The following MEI4 variants were observed in gnomAD, a reference collection of about 807,000 sequenced individuals.
MEI4 encodes meiosis-specific protein MEI4.
Under a neutral mutation model 31.4 loss-of-function variants are expected in MEI4, and 27 were observed. The ratio of observed to expected loss-of-function variants is 0.86; its 90% CI spans 0.63 to 1.19. MEI4 has a LOEUF of 1.19. MEI4 is among the 50% of genes most tolerant of loss of function. The probability of loss-of-function intolerance (pLI) is 0.00; values close to 1 mark genes in which losing one functional copy is unlikely to be tolerated. For synonymous variants in MEI4, 122 were observed against 145.4 expected (o/e 0.84, Z 1.16); for missense variants, 329 against 398.9 (o/e 0.82, Z 1.49).
At position 77,909,674 on chromosome 6, in the gene MEI4, T is replaced by C. The variant is rs1045122135; in HGVS notation, c.901-13415T>C. On this transcript the variant is annotated intron_variant, in intron 4 of 4. Coordinates refer to ENST00000684080, the MANE Select transcript of MEI4 (RefSeq NM_001322247.2). ...TTCTTTCTGAAACTATTCCAATCAA[T>C]AGAAAAAGAGGGAATCCTCCCTAAC... Among the ~76,000 whole-genome samples the C allele has an allele frequency of 9.2e-5, 14 of 152,126 alleles. No individual in the cohort carries two copies. In the East Asian group the frequency reaches 1.7e-3, roughly 19 times the overall value.
intron 2 of MEI4, among the ~76,000 whole-genome samples, chr6:77,742,289 C>A (rs1767431264): frequency 6.6e-6 from 1 of 151,514 alleles, no homozygotes; most frequent in African/African-American, 2.4e-5. Flanking sequence ...CCTGTTGTTT[C>A]CTGACTTTTT....
intron 4 of MEI4, among the ~76,000 whole-genome samples, chr6:77,885,936 T>C (rs1361636144): frequency 6.6e-6 from 1 of 152,184 alleles, no homozygotes; most frequent in Non-Finnish European, 1.5e-5. Flanking sequence ...TTTTTCCTCA[T>C]TCTGTTGATA....
chr6:77,849,553 A>G (rs147155313), intron 4 of MEI4, among the ~76,000 whole-genome samples: 338 of 152,306 alleles, frequency 2.2e-3, no homozygotes, highest in African/African-American at 7.4e-3. Flanking sequence ...ATGGCATTTT[A>G]TATAAGCGTT....
chr6:77,836,527 TA>T (rs1465469304), intron 4 of MEI4, among the ~76,000 whole-genome samples: 1 of 152,072 alleles, frequency 6.6e-6, no homozygotes, highest in African/African-American at 2.4e-5. Context: ...TAAAGTAAAA[TA>T]AAAGCTAAGC....
At chr6:77,665,194 C>G in intron 1 of MEI4, among the ~76,000 whole-genome samples, 1 of 149,838 alleles carries the variant, frequency 6.7e-6, no homozygotes, top group Non-Finnish European at 1.5e-5. Context: ...GGGGTCGAGG[C>G]ATGGAAATAA....
At position 77,822,795 on chromosome 6, in the gene MEI4, T is replaced by C. The variant is rs78508059; in HGVS notation, c.769-6136T>C. ...CCACCACTCCTGGCTATTTTTTTTT[T>C]GTATTTTTAGTAGAAATGGGGTTTC... is the stretch of plus-strand genomic sequence containing the variant. On this transcript the variant is annotated intron_variant, in intron 3 of 4. Coordinates refer to ENST00000684080, the MANE Select transcript of MEI4 (RefSeq NM_001322247.2). Among the ~76,000 whole-genome samples, 10 of 151,966 alleles carry C rather than the reference T, an allele frequency of 6.6e-5. No homozygotes were observed. The East Asian group carries it at 1.9e-3, about 29-fold the overall frequency.
In MEI4 at chr6:77,923,460, T is replaced by A; in HGVS notation, c.*114T>A. On this transcript the variant is annotated 3_prime_UTR_variant, in exon 5 of 5. Transcript: ENST00000684080. ...TAATTAGCATTTTAGAATTGATCTC[T>A]AAATATAATTATCAATTCAACTTAA... 1 of 800,042 alleles carries A rather than the reference T, an allele frequency of 1.2e-6. No homozygotes were observed. Among genetic ancestry groups the A allele is most frequent in the African/African-American group, 1.8e-5 (1 of 55,388 alleles). 49.6% of individuals were successfully genotyped at this position (800,042 alleles called of 1,614,324 possible).
chr6:77,736,123 G>T (rs1430855087), intron 2 of MEI4, among the ~76,000 whole-genome samples: 2 of 152,126 alleles, frequency 1.3e-5, no homozygotes, highest in Non-Finnish European at 2.9e-5. Flanking sequence ...GGAGCCTACA[G>T]AGGCAGGCAG....
intron 4 of MEI4, among the ~76,000 whole-genome samples, chr6:77,864,573 G>T (rs527910341): frequency 6.2e-4 from 94 of 152,210 alleles, no homozygotes; most frequent in Non-Finnish European, 1.1e-3. Flanking sequence ...GCACCCAGAT[G>T]CATAAAGCAA....
intron 3 of MEI4, among the ~76,000 whole-genome samples, chr6:77,827,961 T>C (rs1769994985): frequency 1.3e-5 from 2 of 152,110 alleles, no homozygotes; most frequent in South Asian, 4.1e-4. Flanking sequence ...AATAGGATTA[T>C]ATTAACTCTA....
intron 2 of MEI4, among the ~76,000 whole-genome samples, chr6:77,729,514 G>A (rs1000209781): frequency 6.6e-6 from 1 of 152,180 alleles, no homozygotes; most frequent in Non-Finnish European, 1.5e-5. Flanking sequence ...TAATGTGCAG[G>A]CAAGATTGAA....
At chr6:77,896,842 T>G (rs1766093221) in intron 4 of MEI4, among the ~76,000 whole-genome samples, 1 of 152,020 alleles carries the variant, frequency 6.6e-6, no homozygotes, top group Admixed American at 6.6e-5. Context: ...CCTTCAATAA[T>G]TCACCACAGT....
chr6:77,860,048 C>T (rs1157963548), intron 4 of MEI4, among the ~76,000 whole-genome samples: 4 of 152,146 alleles, frequency 2.6e-5, no homozygotes, highest in Non-Finnish European at 2.9e-5. Context: ...TTACAGCTTA[C>T]GATTTCCAAA....
intron 2 of MEI4, among the ~76,000 whole-genome samples, chr6:77,711,109 A>G (rs1162397803): frequency 7.8e-6 from 1 of 128,288 alleles, no homozygotes; most frequent in East Asian, 2.6e-4. Context: ...GAGAATAGAG[A>G]GATGTTGTTC....
chr6:77,667,319 A>T (rs1768658126), intron 1 of MEI4, among the ~76,000 whole-genome samples: 1 of 152,150 alleles, frequency 6.6e-6, no homozygotes. Context: ...AGCTAGGCTC[A>T]TGGCTTTTCT....
intron 1 of MEI4, among the ~76,000 whole-genome samples, chr6:77,656,810 T>G (rs1768405886): frequency 6.6e-6 from 1 of 152,026 alleles, no homozygotes; most frequent in African/African-American, 2.4e-5. Flanking sequence ...ATTAAAAAAA[T>G]TCACTCACTA....
intron 4 of MEI4, among the ~76,000 whole-genome samples, chr6:77,912,288 G>A (rs149191958): frequency 6.6e-6 from 1 of 151,878 alleles, no homozygotes; most frequent in African/African-American, 2.4e-5. Flanking sequence ...CTTTTTCCTC[G>A]GGATTGCTTT....
intron 4 of MEI4, among the ~76,000 whole-genome samples, chr6:77,899,543 T>C (rs1766147353): frequency 6.6e-6 from 1 of 152,070 alleles, no homozygotes; most frequent in African/African-American, 2.4e-5. Context: ...TCGAGGCTCA[T>C]TCAGCTGCCT....
chr6:77,901,266 A>AT (rs1375205514), intron 4 of MEI4, among the ~76,000 whole-genome samples: 13 of 151,876 alleles, frequency 8.6e-5, no homozygotes, highest in African/African-American at 2.2e-4. Context: ...GGCTAGCAAC[A>AT]TTTTTTTGAA....
Sources: allele counts gnomAD v4.1 joint callset (sites outside exome capture counted in the v4.1 genomes callset), GRCh38; gene constraint gnomAD v4.1.1; transcripts MANE v1.5; gene names NCBI Gene and HGNC (gene_info 2026-07-23, HGNC 2026-07-21).